Variants in EDIL3 observed in about 807,000 individuals in gnomAD.
EDIL3 encodes the protein EGF-like repeat and discoidin I-like domain-containing protein 3.
In EDIL3, 37 loss-of-function variants were observed where a neutral mutation model predicts 67.4. That is an observed-to-expected ratio of 0.55 (90% confidence interval 0.42 to 0.72). EDIL3 has a LOEUF of 0.72. EDIL3 is among the 30% of genes least tolerant of loss of function. The probability of loss-of-function intolerance (pLI) is 0.00; values close to 1 mark genes in which losing one functional copy is unlikely to be tolerated. For synonymous variants in EDIL3, 195 were observed against 196.3 expected (o/e 0.99, Z 0.05); for missense variants, 527 against 586.3 (o/e 0.90, Z 1.04).
At chr5:84,143,853 A>G (rs1007872630) in intron 4 of EDIL3, among the ~76,000 whole-genome samples, 2 of 152,098 alleles carry the variant, frequency 1.3e-5, no homozygotes, top group African/African-American at 4.8e-5. Context: ...AGTGGCATGT[A>G]GCATAGTCAC....
chr5:84,258,725 A>G (rs1745167804), intron 1 of EDIL3, among the ~76,000 whole-genome samples: 1 of 152,140 alleles, frequency 6.6e-6, no homozygotes, highest in African/African-American at 2.4e-5. Flanking sequence ...TATTTCCTTT[A>G]TACGGCCATA....
chr5:84,060,909 T>C (rs1489823120), intron 8 of EDIL3, among the ~76,000 whole-genome samples: 2 of 152,176 alleles, frequency 1.3e-5, no homozygotes, highest in Non-Finnish European at 2.9e-5. Flanking sequence ...GTTTTCAAAT[T>C]ACTGCAAATG....
In EDIL3 at chr5:84,053,097, T is replaced by C. The variant is rs191664271; in HGVS notation, c.1137+7203A>G. 3.8e-3 allele frequency among the ~76,000 whole-genome samples: 578 copies of C among 152,280 alleles called. 3 individuals carry two copies. The highest frequency in any genetic ancestry group is 0.012 in the African/African-American group (487 of 41,550). ...AGCAAATGTAAAAGAACAGAAATTA[T>C]AACAAACTGTCTCTCAGACCACAGT... On this transcript the variant is annotated intron_variant, in intron 9 of 10. Transcript: ENST00000296591.
At chr5:84,182,968 TGACTAGTTATA>T (rs985921168) in intron 3 of EDIL3, among the ~76,000 whole-genome samples, 7 of 152,168 alleles carry the variant, frequency 4.6e-5, no homozygotes, top group African/African-American at 1.7e-4. Context: ...GAATGACCAA[TGACTAGTTATA>T]GAACAATTTG....
intron 8 of EDIL3, among the ~76,000 whole-genome samples, chr5:84,063,317 G>C (rs990372414): frequency 6.6e-6 from 1 of 152,114 alleles, no homozygotes; most frequent in African/African-American, 2.4e-5. Flanking sequence ...GTGATATAGT[G>C]AGATGCAATA....
At chr5:84,249,434 C>T (rs975361620) in intron 2 of EDIL3, among the ~76,000 whole-genome samples, 17 of 149,444 alleles carry the variant, frequency 1.1e-4, no homozygotes, top group African/African-American at 4.2e-4. Flanking sequence ...TATCTATCAT[C>T]TATTTTTCTA....
At chr5:84,348,617 C>T (rs956165698) in intron 1 of EDIL3, among the ~76,000 whole-genome samples, 3 of 148,048 alleles carry the variant, frequency 2.0e-5, no homozygotes, top group Admixed American at 2.0e-4. Flanking sequence ...AACACCTGTT[C>T]GAAAATAAAT....
intron 1 of EDIL3, among the ~76,000 whole-genome samples, chr5:84,366,815 TTCAGAGAAGAAAA>T (rs1478246130): frequency 1.2e-4 from 19 of 152,300 alleles, no homozygotes; most frequent in Admixed American, 3.3e-4. Flanking sequence ...TTTAAAGTGT[TTCAGAGAAGAAAA>T]GCTCCCCAAG....
chr5:83,968,219 G>C (rs1339903138), intron 9 of EDIL3, among the ~76,000 whole-genome samples: 1 of 152,004 alleles, frequency 6.6e-6, no homozygotes, highest in Admixed American at 6.6e-5. Context: ...ACTAGTTAAT[G>C]TGATTAATAA....
chr5:84,273,733 A>G (rs539022998), intron 1 of EDIL3, among the ~76,000 whole-genome samples: 99 of 152,174 alleles, frequency 6.5e-4, no homozygotes, highest in African/African-American at 2.3e-3. Flanking sequence ...TTTCTACCAC[A>G]CTCCTCAAAC....
At chr5:84,195,636 T>A (rs1214409864) in intron 3 of EDIL3, among the ~76,000 whole-genome samples, 1 of 152,004 alleles carries the variant, frequency 6.6e-6, no homozygotes, top group Non-Finnish European at 1.5e-5. Context: ...TGATAGTTTC[T>A]ACAGATGTGC....
intron 1 of EDIL3, among the ~76,000 whole-genome samples, chr5:84,266,671 C>T (rs1338123176): frequency 6.6e-6 from 1 of 152,096 alleles, no homozygotes; most frequent in Non-Finnish European, 1.5e-5. Context: ...GATCTTGAAC[C>T]ACTTGTATAT....
intron 3 of EDIL3, among the ~76,000 whole-genome samples, chr5:84,191,383 C>T (rs886560247): frequency 1.3e-5 from 2 of 151,988 alleles, no homozygotes; most frequent in Non-Finnish European, 2.9e-5. Context: ...GTTCCTGCTG[C>T]ACTCATATGG....
chr5:83,947,205 T>C (rs1464750354), intron 10 of EDIL3, among the ~76,000 whole-genome samples: 1 of 151,900 alleles, frequency 6.6e-6, no homozygotes, highest in Non-Finnish European at 1.5e-5. Flanking sequence ...GAGTGAGACT[T>C]TCTAAAGTTT....
At chr5:84,319,068 G>A (rs1746571498) in intron 1 of EDIL3, among the ~76,000 whole-genome samples, 1 of 152,200 alleles carries the variant, frequency 6.6e-6, no homozygotes, top group Non-Finnish European at 1.5e-5. Context: ...ATCATCACTG[G>A]TCATTAGAGA....
At chr5:84,164,866 A>G (rs1449388662) in intron 4 of EDIL3, among the ~76,000 whole-genome samples, 1 of 152,072 alleles carries the variant, frequency 6.6e-6, no homozygotes, top group Non-Finnish European at 1.5e-5. Context: ...AAGCAGAGGG[A>G]CTTTCCTGCC....
chr5:84,029,499 G>T (rs990546683), intron 9 of EDIL3, among the ~76,000 whole-genome samples: 3 of 152,038 alleles, frequency 2.0e-5, no homozygotes, highest in African/African-American at 7.2e-5. Flanking sequence ...CATCCATATT[G>T]AAGTCCTAAG....
chr5:84,169,464 T>G (rs1420812931), intron 4 of EDIL3, among the ~76,000 whole-genome samples: 1 of 152,010 alleles, frequency 6.6e-6, no homozygotes, highest in African/African-American at 2.4e-5. Flanking sequence ...TGTAGGTTTC[T>G]GTATGTGTCA....
chr5:84,230,217 T>C (rs929804350), intron 2 of EDIL3, among the ~76,000 whole-genome samples: 2 of 152,144 alleles, frequency 1.3e-5, no homozygotes, highest in African/African-American at 2.4e-5. Context: ...AATTTGAGTA[T>C]AAATTATTAT....
Sources: gnomAD v4.1 joint callset for allele counts (sites outside exome capture counted in the v4.1 genomes callset) on GRCh38, gnomAD v4.1.1 for gene constraint, MANE v1.5 for transcripts, NCBI Gene and HGNC (gene_info 2026-07-23, HGNC 2026-07-21) for gene names.